TMEM260: variants seen among roughly 807,000 people sequenced by gnomAD.
The protein encoded by TMEM260 is transmembrane protein 260, also known as protein O-mannosyl-transferase TMEM260.
In TMEM260, 82 loss-of-function variants were observed where a neutral mutation model predicts 88.9. That is an observed-to-expected ratio of 0.92 (90% CI 0.77 to 1.11). The LOEUF is 1.11. Among genes scored for constraint, TMEM260 ranks in the 50% least tolerant of loss-of-function variants. TMEM260 has a pLI of 0.00. For missense variants in TMEM260, 902 were observed against 853.4 expected, an observed-to-expected ratio of 1.06 and a Z score of -0.71; for synonymous variants, 314 against 309.3, an observed-to-expected ratio of 1.02 and a Z score of -0.16.
intron 11 of TMEM260, among the ~76,000 whole-genome samples, chr14:56,623,681 A>G (rs920376735): frequency 6.6e-6 from 1 of 152,222 alleles, no homozygotes; most frequent in Non-Finnish European, 1.5e-5. Flanking sequence ...GAGGAACAGT[A>G]AAGTCCATAG....
intron 10 of TMEM260, chr14:56,619,511 CAT>C (rs1887784182): frequency 6.6e-6 from 1 of 152,064 alleles, no homozygotes; most frequent in Non-Finnish European, 1.5e-5. Flanking sequence ...TTTCTTAACT[CAT>C]ATATTATTAG....
At chr14:56,583,860 G>A (rs1885298850) in intron 1 of TMEM260, among the ~76,000 whole-genome samples, 1 of 152,164 alleles carries the variant, frequency 6.6e-6, no homozygotes, top group Non-Finnish European at 1.5e-5. Context: ...TAGGTTTCAT[G>A]GATATAAGCC....
intron 1 of TMEM260, among the ~76,000 whole-genome samples, chr14:56,584,602 A>T (rs537069441): frequency 3.9e-5 from 6 of 152,078 alleles, no homozygotes; most frequent in African/African-American, 1.4e-4. Context: ...CAAACCTCAG[A>T]TGTCTGCGCA....
At chr14:56,645,627 A>G (rs887646181) in intron 15 of TMEM260, among the ~76,000 whole-genome samples, 1 of 151,546 alleles carries the variant, frequency 6.6e-6, no homozygotes, top group African/African-American at 2.4e-5. Context: ...CATGTACCCT[A>G]AAACTTAAAG....
rs144346334 is a variant in TMEM260 at position 56,596,269 on chromosome 14, G to A, written c.345-7546G>A. Among the ~76,000 whole-genome samples, 1,128 of 151,726 alleles carry A rather than the reference G, an allele frequency of 7.4e-3. 11 individuals are homozygous for A. Among genetic ancestry groups the A allele is most frequent in the African/African-American group, 0.026 (1,056 of 41,374 alleles). ...ATTAGAAACCATTTCTACTTGGAGG[G>A]CATTAAAAACTATAAATAAAGTATG... On this transcript the variant is annotated intron_variant, in intron 3 of 15. Coordinates refer to ENST00000261556, the MANE Select transcript of TMEM260 (RefSeq NM_017799.4).
chr14:56,587,063 CTTCT>C (rs1417727875), intron 3 of TMEM260, among the ~76,000 whole-genome samples: 1 of 150,604 alleles, frequency 6.6e-6, no homozygotes, highest in Non-Finnish European at 1.5e-5. Context: ...AGAATTGTTC[CTTCT>C]GAGTCTTTTG....
intron 3 of TMEM260, among the ~76,000 whole-genome samples, chr14:56,597,697 G>C (rs1481804195): frequency 2.6e-5 from 4 of 152,124 alleles, no homozygotes. Flanking sequence ...CCATGTTGTT[G>C]GATTGGTTTG....
At chr14:56,646,530 A>G (rs1174668123) in intron 15 of TMEM260, among the ~76,000 whole-genome samples, 3 of 152,236 alleles carry the variant, frequency 2.0e-5, no homozygotes, top group Non-Finnish European at 1.5e-5. Flanking sequence ...TAGAAAACTC[A>G]GTATAAAAAA....
chr14:56,645,168 C>T (rs2139657837), intron 15 of TMEM260, among the ~76,000 whole-genome samples: 1 of 151,358 alleles, frequency 6.6e-6, no homozygotes, highest in Non-Finnish European at 1.5e-5. Flanking sequence ...GATTATAAAT[C>T]ATGCTGCTAT....
rs531817915 is a variant in TMEM260, at chr14:56,587,877, A to G, written c.344+1965A>G. Among the ~76,000 whole-genome samples, 26 of 152,216 alleles carry G rather than the reference A, an allele frequency of 1.7e-4. 2 individuals are homozygous for G. The South Asian group carries it at 4.1e-3, about 24-fold the overall frequency. On this transcript the variant is annotated intron_variant, in intron 3 of 15. Transcript: ENST00000261556. ...ATGGTAATAGGACTAACAGTAGCCTATTGATTGAGTGGAAGAAGACATTAT... is the reference window on the plus strand; with the variant it reads ...ATGGTAATAGGACTAACAGTAGCCTGTTGATTGAGTGGAAGAAGACATTAT...
chr14:56,628,921 A>T, intron 12 of TMEM260, among the ~76,000 whole-genome samples: 1 of 147,034 alleles, frequency 6.8e-6, no homozygotes, highest in Admixed American at 6.9e-5. Flanking sequence ...TTTGAGATGG[A>T]GTCTCACTCT....
At chr14:56,635,024 ATT>A in intron 14 of TMEM260, 72 bp downstream of exon 14, 2 of 1,339,190 alleles carry the variant, frequency 1.5e-6, no homozygotes, top group South Asian at 2.4e-5. Context: ...GGCACTTTTA[ATT>A]TTGAGAGTAG....
chr14:56,593,948 A>G (rs1196429106), intron 3 of TMEM260, among the ~76,000 whole-genome samples: 1 of 151,670 alleles, frequency 6.6e-6, no homozygotes, highest in Non-Finnish European at 1.5e-5. Context: ...CGGCCTCCCA[A>G]AGTGCTGGTA....
chr14:56,581,680 C>T (rs1032530998), intron 1 of TMEM260, among the ~76,000 whole-genome samples: 21 of 152,180 alleles, frequency 1.4e-4, no homozygotes, highest in African/African-American at 5.1e-4. Flanking sequence ...TTTAACCCTC[C>T]CAGCTACCCT....
intron 11 of TMEM260, among the ~76,000 whole-genome samples, chr14:56,622,213 C>T (rs550850369): frequency 7.9e-5 from 12 of 151,682 alleles, no homozygotes; most frequent in South Asian, 4.2e-4. Flanking sequence ...TGTGGTGGCA[C>T]GCGCCTGTAG....
intron 2 of TMEM260, 150 bp downstream of exon 2, chr14:56,585,182 TAA>T (rs1346262315): frequency 4.5e-6 from 3 of 661,276 alleles, no homozygotes; most frequent in East Asian, 2.9e-5. Context: ...CAATTTACTT[TAA>T]GTTTTAAATC....
rs373475204 is a variant in TMEM260 at position 56,618,870 on chromosome 14, A to G, written c.1226+107A>G. The G allele has an allele frequency of 4.7e-3, 5,235 of 1,119,278 alleles. 106 individuals are homozygous for G. In the South Asian group the frequency reaches 0.048, roughly 10 times the overall value. The allele number at this position is 1,119,278 out of a possible 1,614,324, so 69.3% of individuals were successfully genotyped here. On this transcript the variant is annotated intron_variant, in intron 10 of 15. Transcript: ENST00000261556. ...GTTAACTTCTGGTTTTCAAGACTCA[A>G]AGTGAGACAGCTTGGTTGAATGCAG...
Position 56,605,701 on chromosome 14 carries a change from G to A in TMEM260, c.636+18G>A. On this transcript the variant is annotated intron_variant, in intron 5 of 15. Coordinates refer to ENST00000261556, the MANE Select transcript of TMEM260 (RefSeq NM_017799.4). ...AAAAGAAGGTACGTTTTTGAATTTT[G>A]TAAAAAAAAGTACAATATTTTACTT... 2 of 1,390,946 alleles carry A rather than the reference G, an allele frequency of 1.4e-6. No homozygotes were observed. The highest frequency in any genetic ancestry group is 2.0e-6 in the Non-Finnish European group (2 of 1,007,456). The allele number at this position is 1,390,946 out of a possible 1,614,324, so 86.2% of individuals were successfully genotyped here. A position where few individuals can be genotyped will look rare whatever the true frequency, so the allele number is the denominator to read the frequency against.
chr14:56,633,190 T>C lies in TMEM260; in HGVS notation c.1724+19T>C, dbSNP rs775503905. ...ATGGAAGGTATGAACAGCAGTTGTA[T>C]TTTGATGCATATAAACATAGCAGTT... On this transcript the variant is annotated intron_variant, in intron 13 of 15. Transcript: ENST00000261556. The C allele has an allele frequency of 2.5e-6, 4 of 1,595,428 alleles. No individual in the cohort carries two copies. The African/African-American group carries it at 5.4e-5, about 21-fold the overall frequency.
Sources: gnomAD v4.1 joint callset for allele counts (sites outside exome capture counted in the v4.1 genomes callset) on GRCh38, gnomAD v4.1.1 for gene constraint, MANE v1.5 for transcripts, NCBI Gene and HGNC (gene_info 2026-07-23, HGNC 2026-07-21) for gene names.